DNAH14: variants seen among roughly 807,000 people sequenced by gnomAD.
The protein encoded by DNAH14 is axonemal beta dynein heavy chain 14.
DNAH14 carries 478 observed loss-of-function variants against 520.9 expected under a neutral mutation model. The ratio of observed to expected loss-of-function variants is 0.92; its 90% CI spans 0.85 to 0.99. The LOEUF (loss-of-function observed/expected upper bound fraction) is 0.99. DNAH14 is among the 50% of genes least tolerant of loss of function. The pLI, the probability that DNAH14 is intolerant of heterozygous loss-of-function variation, is 0.00. For synonymous variants in DNAH14, 1,581 were observed against 1,757.2 expected, an observed-to-expected ratio of 0.90 and a Z score of 2.51; for missense variants, 4,831 against 5,234.5, an observed-to-expected ratio of 0.92 and a Z score of 2.38.
chr1:225,336,082 TAC>T (rs148168314), intron 66 of DNAH14, among the ~76,000 whole-genome samples: 13,216 of 147,264 alleles, frequency 0.09, 988 homozygotes, highest in African/African-American at 0.21. Flanking sequence ...TACTTATATA[TAC>T]ATATATGCTT....
chr1:225,281,177 A>T (rs1021155039), intron 54 of DNAH14, among the ~76,000 whole-genome samples: 3 of 152,220 alleles, frequency 2.0e-5, no homozygotes, highest in Admixed American at 1.3e-4. Flanking sequence ...GCCAAAATTA[A>T]GGTATAGGTA....
rs1410979197 is a variant in DNAH14 at position 225,119,281 on chromosome 1, G to A, written c.4153G>A (p.Asp1385Asn). 10 of 1,520,356 alleles carry A rather than the reference G, an allele frequency of 6.6e-6. No individual in the cohort carries two copies. The highest frequency in any genetic ancestry group is 3.9e-5 in the South Asian group (3 of 76,136). 94.2% of individuals were successfully genotyped at this position (1,520,356 alleles called of 1,614,324 possible). A position where few individuals can be genotyped will look rare whatever the true frequency, so the allele number is the denominator to read the frequency against. Residue 1385 changes from aspartate (D) to asparagine (N), a missense_variant, in exon 26 of 86, where the codon GAT becomes AAT. Transcript: ENST00000682510. ...WLVNVEKSMFDVLKKFLSQGI... is the reference protein window; with the variant it reads ...WLVNVEKSMFNVLKKFLSQGI... ...GGTAAATGTAGAAAAAAGCATGTTC[G>A]ATGTGCTAAAAAAGTAAGTACAATT...
intron 73 of DNAH14, among the ~76,000 whole-genome samples, chr1:225,355,321 C>G (rs999253342): frequency 2.0e-5 from 3 of 152,076 alleles, no homozygotes; most frequent in African/African-American, 7.2e-5. Flanking sequence ...GTCATCCAGG[C>G]TGTAGTGCAG....
Position 225,304,987 on chromosome 1 carries a change from A to G in DNAH14, c.8903A>G (p.Glu2968Gly), listed in dbSNP as rs1172091863. 6.5e-7 allele frequency: 1 copy of G among 1,547,094 alleles called. No homozygotes were observed. The highest frequency in any genetic ancestry group is 8.7e-7 in the Non-Finnish European group (1 of 1,146,042). The change falls in exon 58 of 86, where the codon GAA becomes GGA. Residue 2968 changes from glutamate (E) to glycine (G), a missense_variant. Transcript: ENST00000682510. ...MKDLNRKYFE[E>G]TGRFYYTTPN... Reference sequence around the variant, plus strand: ...GACTTGAACAGAAAATACTTTGAAGAAACTGGAAGATTTTATTATACCACT... The same window carrying G: ...GACTTGAACAGAAAATACTTTGAAGGAACTGGAAGATTTTATTATACCACT...
intron 41 of DNAH14, among the ~76,000 whole-genome samples, chr1:225,219,643 T>C (rs2089830610): frequency 1.3e-5 from 2 of 152,018 alleles, no homozygotes; most frequent in African/African-American, 2.4e-5. Flanking sequence ...CAATAAAAAG[T>C]TCTGAAATTG....
intron 75 of DNAH14, among the ~76,000 whole-genome samples, chr1:225,363,509 A>G (rs1169245618): frequency 6.6e-6 from 1 of 152,144 alleles, no homozygotes; most frequent in African/African-American, 2.4e-5. Flanking sequence ...AGCTGGAACT[A>G]TGGGTGCATG....
rs2072978692 is a variant in DNAH14 at position 225,080,372 on chromosome 1, T to C, written c.2767-7T>C. 1.3e-6 allele frequency: 2 copies of C among 1,510,962 alleles called. No individual in the cohort carries two copies. 93.6% of individuals were successfully genotyped at this position (1,510,962 alleles called of 1,614,324 possible). A position where few individuals can be genotyped will look rare whatever the true frequency, so the allele number is the denominator to read the frequency against. On this transcript the variant is annotated splice_polypyrimidine_tract_variant and splice_region_variant and intron_variant, in intron 18 of 85. Transcript: ENST00000682510. ...TTCTCTTAGAAAGTCCTACTCTTATTTTTTAGATAAGAACTCCTCTTCTGT... is the reference window on the plus strand; with the variant it reads ...TTCTCTTAGAAAGTCCTACTCTTATCTTTTAGATAAGAACTCCTCTTCTGT...
intron 4 of DNAH14, among the ~76,000 whole-genome samples, chr1:224,962,909 C>G (rs1000016970): frequency 1.3e-5 from 2 of 152,064 alleles, no homozygotes; most frequent in Non-Finnish European, 2.9e-5. Context: ...AATGGAAATG[C>G]TAATTTATGA....
chr1:225,271,528 C>T (rs1574430441), intron 50 of DNAH14, among the ~76,000 whole-genome samples: 2 of 152,052 alleles, frequency 1.3e-5, no homozygotes, highest in South Asian at 2.1e-4. Flanking sequence ...ATACCTGTAT[C>T]GTCAGTCCAG....
chr1:225,346,856 C>T (rs1470775617), intron 71 of DNAH14, among the ~76,000 whole-genome samples: 3 of 152,056 alleles, frequency 2.0e-5, no homozygotes, highest in Non-Finnish European at 4.4e-5. Context: ...ATAATCCTAA[C>T]CTACAAAGCA....
chr1:225,197,624 C>T (rs1298433613), intron 38 of DNAH14, among the ~76,000 whole-genome samples: 1 of 152,010 alleles, frequency 6.6e-6, no homozygotes, highest in African/African-American at 2.4e-5. Flanking sequence ...TTGTAGATTG[C>T]TTTTTTGGCA....
rs560233312 is a variant in DNAH14, at chr1:225,148,396, CTTTTTTTT to C, written c.4940+1163_4940+1170del. ...TTCTCTAATGATCAGTAATGTTGAG[CTTTTTTTT>C]TTTTTTTTTTTTTTTGAGTCGGAGT... On this transcript the variant is annotated intron_variant, in intron 31 of 85. Coordinates refer to ENST00000682510, the MANE Select transcript of DNAH14 (RefSeq NM_001367479.1). Among the ~76,000 whole-genome samples the C allele has an allele frequency of 4.2e-3, 402 of 96,654 alleles. 2 individuals carry two copies. Among genetic ancestry groups the C allele is most frequent in the African/African-American group, 0.018 (361 of 20,364 alleles). The allele number at this position is 96,654 out of a possible 152,430, so 63.4% of individuals were successfully genotyped here.
intron 38 of DNAH14, among the ~76,000 whole-genome samples, chr1:225,203,644 G>A (rs962312124): frequency 1.3e-5 from 2 of 152,252 alleles, no homozygotes; most frequent in East Asian, 1.9e-4. Flanking sequence ...TCAAAGGTTG[G>A]TGTAAAAATG....
chr1:225,019,734 C>G (rs533857300), intron 10 of DNAH14, among the ~76,000 whole-genome samples: 50 of 152,228 alleles, frequency 3.3e-4, no homozygotes, highest in Admixed American at 4.6e-4. Flanking sequence ...GACCACAGCT[C>G]AAGCACAACC....
chr1:225,093,142 AT>A (rs1226138599), intron 21 of DNAH14, among the ~76,000 whole-genome samples: 3 of 152,164 alleles, frequency 2.0e-5, no homozygotes, highest in Admixed American at 6.5e-5. Context: ...TCCCTGACTC[AT>A]TCTGTGATGC....
chr1:225,059,887 G>A (rs1158748873), intron 17 of DNAH14, among the ~76,000 whole-genome samples: 3 of 152,196 alleles, frequency 2.0e-5, no homozygotes, highest in African/African-American at 2.4e-5. Flanking sequence ...AGTTTCTGCC[G>A]AGAGACCAGC....
At chr1:225,322,859 T>G in intron 62 of DNAH14, 36 bp downstream of exon 62, 1 of 1,509,552 alleles carries the variant, frequency 6.6e-7, no homozygotes, top group East Asian at 2.5e-5. Flanking sequence ...CATCTCATAT[T>G]TACAGTCTGT....
In DNAH14 at chr1:225,346,804, A is replaced by G. The variant is rs769840944; in HGVS notation, c.11296+150A>G. The G allele has an allele frequency of 1.9e-4, 109 of 564,456 alleles. 2 individuals carry two copies. Among genetic ancestry groups the G allele is most frequent in the Non-Finnish European group, 1.5e-4 (49 of 324,192 alleles). 35.0% of individuals were successfully genotyped at this position (564,456 alleles called of 1,614,324 possible). On this transcript the variant is annotated intron_variant, in intron 71 of 85. Coordinates refer to ENST00000682510, the MANE Select transcript of DNAH14 (RefSeq NM_001367479.1). ...CTCCACTGTTACTCAATAATTTTTTAATGAATGAATGAATACATAAATGAT... is the reference window on the plus strand; with the variant it reads ...CTCCACTGTTACTCAATAATTTTTTGATGAATGAATGAATACATAAATGAT...
intron 57 of DNAH14, 134 bp from the exon 58 acceptor site, chr1:225,304,773 CA>C (rs992302206): frequency 1.2e-6 from 1 of 822,816 alleles, no homozygotes; most frequent in African/African-American, 1.8e-5. Flanking sequence ...TTGTCCTGCT[CA>C]TCCGGGAGCT....
Sources: gnomAD v4.1 joint callset for allele counts (sites outside exome capture counted in the v4.1 genomes callset) on GRCh38, gnomAD v4.1.1 for gene constraint, MANE v1.5 for transcripts, NCBI Gene and HGNC (gene_info 2026-07-23, HGNC 2026-07-21) for gene names.